Variants in MAGI2 observed in about 807,000 individuals in gnomAD.
The protein encoded by MAGI2 is membrane associated guanylate kinase, WW and PDZ domain containing 2.
In MAGI2, 35 loss-of-function variants were observed where a neutral mutation model predicts 133.3. The ratio of observed to expected loss-of-function variants is 0.26; its 90% CI spans 0.20 to 0.35. MAGI2 has a LOEUF of 0.35. Ranked by LOEUF, MAGI2 falls within the 10% of genes least tolerant of loss-of-function variation. The probability of loss-of-function intolerance (pLI) is 1.00; values close to 1 mark genes in which losing one functional copy is unlikely to be tolerated. For synonymous variants in MAGI2, 729 were observed against 710.6 expected (o/e 1.03, Z -0.41); for missense variants, 1,636 against 1,863.4 (o/e 0.88, Z 2.25).
chr7:79,411,810 C>G (rs1846161414), intron 1 of MAGI2: 3 of 151,758 alleles, frequency 2.0e-5, no homozygotes, highest in African/African-American at 7.3e-5. Flanking sequence ...TTTAGCTCTT[C>G]AACTGAAAAT....
intron 1 of MAGI2, among the ~76,000 whole-genome samples, chr7:79,290,305 C>T (rs183726273): frequency 1.8e-4 from 27 of 151,690 alleles, no homozygotes; most frequent in Middle Eastern, 6.8e-3. Flanking sequence ...AACTAAGCTT[C>T]GATCACTTTT....
intron 2 of MAGI2, among the ~76,000 whole-genome samples, chr7:78,692,735 C>T (rs945565999): frequency 6.6e-6 from 1 of 152,148 alleles, no homozygotes; most frequent in Non-Finnish European, 1.5e-5. Flanking sequence ...ACAAAAAACG[C>T]ATGCTCTAAT....
intron 3 of MAGI2, among the ~76,000 whole-genome samples, chr7:78,588,771 T>A (rs951743851): frequency 1.3e-5 from 2 of 152,200 alleles, no homozygotes; most frequent in African/African-American, 4.8e-5. Flanking sequence ...AGTTGTCACA[T>A]TGTACTTTTT....
chr7:79,015,527 G>A (rs7791770), intron 1 of MAGI2, among the ~76,000 whole-genome samples: 88,889 of 151,932 alleles, frequency 0.59, 26,364 homozygotes, highest in East Asian at 0.63. Context: ...AAATTCCCTG[G>A]CAAATCTCAT....
chr7:78,647,068 A>G (rs1257984397), intron 2 of MAGI2, among the ~76,000 whole-genome samples: 1 of 152,336 alleles, frequency 6.6e-6, no homozygotes, highest in East Asian at 1.9e-4. Context: ...AAACAATTCT[A>G]TTTCTAGGAA....
At chr7:78,804,062 T>C (rs1788304001) in intron 2 of MAGI2, among the ~76,000 whole-genome samples, 1 of 152,240 alleles carries the variant, frequency 6.6e-6, no homozygotes, top group South Asian at 2.1e-4. Flanking sequence ...CATTTCTCAC[T>C]GCATTCAGAA....
In MAGI2 at chr7:78,459,942, C is replaced by T. The variant is rs181041399; in HGVS notation, c.1045+29819G>A. On this transcript the variant is annotated intron_variant, in intron 6 of 21. Transcript: ENST00000354212. ...GAAATAGTGATGGCTGCAGATTTCACAAGTGCTGAATTACTTACCATGAAT... is the reference window on the plus strand; with the variant it reads ...GAAATAGTGATGGCTGCAGATTTCATAAGTGCTGAATTACTTACCATGAAT... 1.7e-3 allele frequency among the ~76,000 whole-genome samples: 263 copies of T among 152,332 alleles called. 1 individual carries two copies. The highest frequency in any genetic ancestry group is 2.3e-3 in the Non-Finnish European group (155 of 68,018).
intron 1 of MAGI2, among the ~76,000 whole-genome samples, chr7:79,228,863 T>C (rs759403998): frequency 6.6e-6 from 1 of 152,148 alleles, no homozygotes; most frequent in East Asian, 1.9e-4. Context: ...TGCTAATAGG[T>C]ACTGAGCATT....
intron 6 of MAGI2, among the ~76,000 whole-genome samples, chr7:78,453,460 T>C (rs111749763): frequency 1.3e-3 from 198 of 152,368 alleles, no homozygotes; most frequent in African/African-American, 4.4e-3. Flanking sequence ...CATTTCTTTC[T>C]TGCAATAATG....
intron 9 of MAGI2, among the ~76,000 whole-genome samples, chr7:78,279,744 G>T (rs1411677233): frequency 2.0e-5 from 3 of 152,132 alleles, no homozygotes; most frequent in Non-Finnish European, 4.4e-5. Context: ...TCCATCCAGA[G>T]TGTTCCTTCC....
chr7:78,697,540 T>A (rs1817644965), intron 2 of MAGI2, among the ~76,000 whole-genome samples: 1 of 152,198 alleles, frequency 6.6e-6, no homozygotes, highest in Non-Finnish European at 1.5e-5. Flanking sequence ...CAAGGGCTGT[T>A]ATAAACATTA....
chr7:79,148,895 T>G, intron 1 of MAGI2, among the ~76,000 whole-genome samples: 1 of 147,240 alleles, frequency 6.8e-6, no homozygotes, highest in South Asian at 2.1e-4. Context: ...GTTTTATATA[T>G]ATATGTAATT....
intron 2 of MAGI2, among the ~76,000 whole-genome samples, chr7:78,662,854 T>A (rs961986006): frequency 6.6e-5 from 10 of 152,170 alleles, no homozygotes; most frequent in African/African-American, 2.4e-4. Context: ...TCAATAAAGG[T>A]TTAATAATAA....
chr7:79,358,232 C>T (rs1842154092), intron 1 of MAGI2, among the ~76,000 whole-genome samples: 1 of 152,002 alleles, frequency 6.6e-6, no homozygotes, highest in Admixed American at 6.6e-5. Flanking sequence ...TGAGAAAAAA[C>T]AAGTGCAATG....
chr7:78,634,438 T>G (rs143823648), intron 2 of MAGI2, among the ~76,000 whole-genome samples: 1 of 152,296 alleles, frequency 6.6e-6, no homozygotes, highest in African/African-American at 2.4e-5. Context: ...GAAAGGATAT[T>G]AGTTGATGTT....
chr7:78,912,688 G>C (rs1328822071), intron 2 of MAGI2, among the ~76,000 whole-genome samples: 1 of 149,718 alleles, frequency 6.7e-6, no homozygotes, highest in Non-Finnish European at 1.5e-5. Flanking sequence ...TTGTGTTCGT[G>C]TGAGTTAATA....
At chr7:79,135,940 A>G (rs772580066) in intron 1 of MAGI2, among the ~76,000 whole-genome samples, 12 of 9,646 alleles carry the variant, frequency 1.2e-3, no homozygotes, top group Non-Finnish European at 8.6e-3. Context: ...AATCCTCTCG[A>G]AAGAAAGAAA....
At chr7:78,944,704 CTACTATT>C (rs1801268524) in intron 2 of MAGI2, among the ~76,000 whole-genome samples, 1 of 134,486 alleles carries the variant, frequency 7.4e-6, no homozygotes, top group Non-Finnish European at 1.6e-5. Flanking sequence ...GAGAAATAGA[CTACTATT>C]TATTTATTTA....
rs775248420 is a variant in MAGI2, at chr7:79,453,135, C to G, written c.186G>C (p.Ser62=). Residue 62 remains serine, a synonymous_variant, in exon 1 of 22, where the codon TCG becomes TCC. Coordinates refer to ENST00000354212, the MANE Select transcript of MAGI2 (RefSeq NM_012301.4). The part of the protein sequence containing the change: ...VAYESGSKLV[S]EELLLEVNET... ...CGTTCACCTCCAGCAGCAGCTCCTCCGACACCAATTTGCTGCCGCTCTCAT... is the reference window on the plus strand; with the variant it reads ...CGTTCACCTCCAGCAGCAGCTCCTCGGACACCAATTTGCTGCCGCTCTCAT... The G allele has an allele frequency of 6.8e-6, 11 of 1,613,914 alleles. No individual in the cohort carries two copies. The highest frequency in any genetic ancestry group is 1.3e-5 in the African/African-American group (1 of 74,938).
Sources: allele counts gnomAD v4.1 joint callset (sites outside exome capture counted in the v4.1 genomes callset), GRCh38; gene constraint gnomAD v4.1.1; transcripts MANE v1.5; gene names NCBI Gene and HGNC (gene_info 2026-07-23, HGNC 2026-07-21).